Variants in MYRIP observed in about 807,000 individuals in gnomAD.
MYRIP encodes the protein rab effector MyRIP.
A neutral mutation model predicts 98.0 loss-of-function variants in MYRIP; 49 were observed. The ratio of observed to expected loss-of-function variants is 0.50; its 90% CI spans 0.40 to 0.63. MYRIP has a LOEUF of 0.63. Ranked by LOEUF, MYRIP falls within the 30% of genes least tolerant of loss-of-function variation. The pLI, the probability that MYRIP is intolerant of heterozygous loss-of-function variation, is 0.00. For synonymous variants in MYRIP, 404 were observed against 409.5 expected, an observed-to-expected ratio of 0.99 and a Z score of 0.16; for missense variants, 1,004 against 1,058.2, an observed-to-expected ratio of 0.95 and a Z score of 0.71.
intron 2 of MYRIP, among the ~76,000 whole-genome samples, chr3:39,992,336 C>T (rs1946200235): frequency 5.9e-5 from 9 of 152,172 alleles, no homozygotes. Context: ...AAACTCTGCC[C>T]TCTGGAGCTC....
At chr3:39,837,514 T>A (rs1324282122) in intron 1 of MYRIP, among the ~76,000 whole-genome samples, 2 of 152,166 alleles carry the variant, frequency 1.3e-5, no homozygotes, top group African/African-American at 4.8e-5. Context: ...TTGTCACAGA[T>A]CAGATGGCTG....
At chr3:40,146,322 A>T (rs1950010316) in intron 3 of MYRIP, among the ~76,000 whole-genome samples, 1 of 152,106 alleles carries the variant, frequency 6.6e-6, no homozygotes, top group South Asian at 2.1e-4. Flanking sequence ...ATCTGTGGGG[A>T]ACTGTTTTAT....
At chr3:40,154,995 T>TTTA (rs1188649642) in intron 4 of MYRIP, among the ~76,000 whole-genome samples, 1 of 152,096 alleles carries the variant, frequency 6.6e-6, no homozygotes, top group Non-Finnish European at 1.5e-5. Flanking sequence ...TTATTATTTT[T>TTTA]TTATTATTAT....
intron 1 of MYRIP, among the ~76,000 whole-genome samples, chr3:39,820,053 T>C (rs545701402): frequency 1.3e-5 from 2 of 152,296 alleles, no homozygotes; most frequent in South Asian, 4.1e-4. Flanking sequence ...AAATCCATGC[T>C]GTGGGCTGAC....
At chr3:39,941,832 G>T (rs67169687) in intron 2 of MYRIP, among the ~76,000 whole-genome samples, 1 of 151,698 alleles carries the variant, frequency 6.6e-6, no homozygotes, top group Admixed American at 6.6e-5. Flanking sequence ...TCTCCAATTG[G>T]TTTTTCTTAA....
chr3:39,914,915 C>T (rs1328955752), intron 2 of MYRIP, among the ~76,000 whole-genome samples: 2 of 120,590 alleles, frequency 1.7e-5, no homozygotes, highest in Non-Finnish European at 3.5e-5. Flanking sequence ...AAGACATTTT[C>T]CCCTTCCTAT....
intron 2 of MYRIP, among the ~76,000 whole-genome samples, chr3:39,969,307 C>T (rs1386445190): frequency 6.6e-6 from 1 of 152,062 alleles, no homozygotes; most frequent in Non-Finnish European, 1.5e-5. Context: ...TTTGGATCCC[C>T]TTTATTTCTT....
chr3:39,967,069 T>C (rs950888637), intron 2 of MYRIP, among the ~76,000 whole-genome samples: 1 of 152,204 alleles, frequency 6.6e-6, no homozygotes, highest in Non-Finnish European at 1.5e-5. Flanking sequence ...TCTGGCAGGG[T>C]TATTTAGGGG....
At chr3:40,004,605 G>A (rs1248023043) in intron 2 of MYRIP, among the ~76,000 whole-genome samples, 2 of 152,086 alleles carry the variant, frequency 1.3e-5, no homozygotes, top group African/African-American at 4.8e-5. Flanking sequence ...TGTACCCCAT[G>A]TGTAGTCTTT....
At chr3:39,957,418 C>A (rs142578292) in intron 2 of MYRIP, among the ~76,000 whole-genome samples, 4,434 of 151,868 alleles carry the variant, frequency 0.029, 270 homozygotes, top group African/African-American at 0.1. Context: ...ACAGAACCAA[C>A]GACAAAAACC....
intron 3 of MYRIP, among the ~76,000 whole-genome samples, chr3:40,138,175 C>T (rs995198567): frequency 1.3e-5 from 2 of 152,250 alleles, no homozygotes; most frequent in African/African-American, 2.4e-5. Context: ...CATATCCCCT[C>T]CTAAGAATCA....
intron 2 of MYRIP, among the ~76,000 whole-genome samples, chr3:39,985,196 T>C (rs1946002154): frequency 6.6e-6 from 1 of 150,568 alleles, no homozygotes; most frequent in Non-Finnish European, 1.5e-5. Context: ...ATGAGTGAAC[T>C]CCCATTCACA....
chr3:40,077,113 T>C (rs1257693888), intron 3 of MYRIP, among the ~76,000 whole-genome samples: 1 of 152,142 alleles, frequency 6.6e-6, no homozygotes, highest in African/African-American at 2.4e-5. Context: ...TCGGAGTTTC[T>C]TTCCTTCTGG....
chr3:39,903,572 A>G (rs1057491549), intron 2 of MYRIP, among the ~76,000 whole-genome samples: 2 of 152,222 alleles, frequency 1.3e-5, no homozygotes, highest in Non-Finnish European at 2.9e-5. Context: ...AGAACACATC[A>G]TGGTAATGTA....
At chr3:40,220,607 A>C (rs1031741970) in intron 11 of MYRIP, among the ~76,000 whole-genome samples, 3 of 152,132 alleles carry the variant, frequency 2.0e-5, no homozygotes, top group Non-Finnish European at 4.4e-5. Context: ...GATCTTTATA[A>C]CTCTGTATTA....
chr3:39,939,852 A>G (rs894920840), intron 2 of MYRIP, among the ~76,000 whole-genome samples: 1 of 152,148 alleles, frequency 6.6e-6, no homozygotes, highest in African/African-American at 2.4e-5. Context: ...TGAATCAATA[A>G]AATAGAATCT....
At chr3:40,058,593 A>G (rs536092758) in intron 3 of MYRIP, among the ~76,000 whole-genome samples, 1 of 152,342 alleles carries the variant, frequency 6.6e-6, no homozygotes, top group African/African-American at 2.4e-5. Context: ...GAATGAGATT[A>G]CAAATACTTA....
intron 8 of MYRIP, among the ~76,000 whole-genome samples, chr3:40,172,955 C>G (rs765940045): frequency 5.3e-4 from 80 of 152,190 alleles, no homozygotes; most frequent in Admixed American, 9.8e-4. Flanking sequence ...CCTCACCCCC[C>G]AGAAACAGAC....
At chr3:39,925,683 A>G (rs1944406430) in intron 2 of MYRIP, among the ~76,000 whole-genome samples, 1 of 152,138 alleles carries the variant, frequency 6.6e-6, no homozygotes, top group Non-Finnish European at 1.5e-5. Flanking sequence ...ATGGCTGTGT[A>G]GTATTCAATG....
Sources: gnomAD v4.1 joint callset for allele counts (sites outside exome capture counted in the v4.1 genomes callset) on GRCh38, gnomAD v4.1.1 for gene constraint, MANE v1.5 for transcripts, NCBI Gene and HGNC (gene_info 2026-07-23, HGNC 2026-07-21) for gene names.